AHNAK: variants seen among roughly 807,000 people sequenced by gnomAD.
AHNAK encodes the protein AHNAK nucleoprotein, also known as neuroblast differentiation-associated protein AHNAK.
AHNAK carries 23 observed loss-of-function variants against 37.8 expected under a neutral mutation model. That is an observed-to-expected ratio of 0.61 (90% CI 0.44 to 0.86). The LOEUF (loss-of-function observed/expected upper bound fraction) is 0.86, where lower values mean the gene tolerates loss of function less well. Among genes scored for constraint, AHNAK ranks in the 40% least tolerant of loss-of-function variants. The pLI is 0.00. For synonymous variants in AHNAK, 2,481 were observed against 2,636.3 expected (o/e 0.94, Z 1.80); for missense variants, 7,411 against 7,319.4 (o/e 1.01, Z -0.46).
chr11:62,539,915 G>T (rs982086843), intron 1 of AHNAK, among the ~76,000 whole-genome samples: 3 of 152,212 alleles, frequency 2.0e-5, no homozygotes, highest in Non-Finnish European at 4.4e-5. Context: ...AATACTGAAG[G>T]GAATACTGAA....
intron 5 of AHNAK, among the ~76,000 whole-genome samples, chr11:62,485,774 G>A (rs1261763357): frequency 1.3e-5 from 2 of 150,984 alleles, no homozygotes; most frequent in African/African-American, 4.9e-5. Context: ...TCAGCATTTT[G>A]GGAGGCCAAG....
rs138085652 is a variant in AHNAK, at chr11:62,489,303, G to A, written c.442+2429C>T. Among the ~76,000 whole-genome samples, 908 of 151,850 alleles carry A rather than the reference G, an allele frequency of 6.0e-3. 5 individuals are homozygous for A. The highest frequency in any genetic ancestry group is 0.021 in the African/African-American group (862 of 41,388). On this transcript the variant is annotated intron_variant, in intron 5 of 5. Transcript: ENST00000257247. ...ATCATGGATGTGGGGACCAGCACTA[G>A]GGTGTTGCTGGAGTGAAAAGCCCAC...
At chr11:62,545,689 G>C (rs1941285130) in intron 1 of AHNAK, 1 of 152,818 alleles carries the variant, frequency 6.5e-6, no homozygotes, top group Admixed American at 6.5e-5. Flanking sequence ...GCCAAGCCCG[G>C]CTCCTGCCCC....
chr11:62,539,128 C>T (rs893436122), intron 1 of AHNAK, among the ~76,000 whole-genome samples: 1 of 152,202 alleles, frequency 6.6e-6, no homozygotes, highest in African/African-American at 2.4e-5. Flanking sequence ...AAGGCTGCGA[C>T]AGGAAATCAC....
At chr11:62,438,876 C>T (rs568895801) in intron 5 of AHNAK, among the ~76,000 whole-genome samples, 3 of 152,016 alleles carry the variant, frequency 2.0e-5, no homozygotes, top group African/African-American at 7.2e-5. Flanking sequence ...TAATCATGAC[C>T]GGCTCACATG....
At position 62,518,308 on chromosome 11, in the gene AHNAK, A is replaced by G. The variant is rs1278210482; in HGVS notation, c.16109T>C (p.Leu5370Pro). 2 of 1,614,050 alleles carry G rather than the reference A, an allele frequency of 1.2e-6. No homozygotes were observed. Among genetic ancestry groups the G allele is most frequent in the Admixed American group, 1.7e-5 (1 of 60,000 alleles). The change falls in exon 5 of 5, where the codon CTG (leucine) becomes CCG (proline). Residue 5370 changes from leucine (L) to proline (P), a missense_variant. Leu to Pro is a moderately conservative substitution (Grantham distance 98). Coordinates refer to ENST00000378024, the MANE Select transcript of AHNAK (RefSeq NM_001620.3). ...APDVTLRGPSLQGDLAVSGDI... is the reference protein window; with the variant it reads ...APDVTLRGPSPQGDLAVSGDI... ...ACCAGAGACAGCCAGATCTCCCTGCAGGCTTGGTCCCCTCAGTGTCACATC... is the reference window on the plus strand; with the variant it reads ...ACCAGAGACAGCCAGATCTCCCTGCGGGCTTGGTCCCCTCAGTGTCACATC...
chr11:62,528,527 C>A lies in AHNAK; in HGVS notation c.5890G>T (p.Glu1964Ter). 1 of 1,611,992 alleles carries A rather than the reference C, an allele frequency of 6.2e-7. No individual in the cohort carries two copies. Among genetic ancestry groups the A allele is most frequent in the Non-Finnish European group, 8.5e-7 (1 of 1,179,686 alleles). Reference protein sequence around the residue: ...PSVGVEVPDVELECPDAKLKG... With the variant: ...PSVGVEVPDV Reference sequence around the variant, plus strand: ...AACTTTGCATCAGGACACTCCAGCTCAACATCAGGCACCTCCACACCCACA... The same window carrying A: ...AACTTTGCATCAGGACACTCCAGCTAAACATCAGGCACCTCCACACCCACA... Residue 1964 changes from glutamate (E) to a stop codon, truncating the protein, a stop_gained, in exon 5 of 5, where the codon GAG (glutamate) becomes TAG (stop). Coordinates refer to ENST00000378024, the MANE Select transcript of AHNAK (RefSeq NM_001620.3). LOFTEE classifies it low-confidence loss of function (END_TRUNC).
At position 62,519,933 on chromosome 11, in the gene AHNAK, T is replaced by C; in HGVS notation, c.14484A>G (p.Pro4828=). ...VDIPDVNIEG[P]DAKLKGPKFK... is the part of the protein sequence containing the mutation. ...ACTTGGGGCCCTTCAGTTTTGCGTC[T>C]GGACCTTCGATATTCACATCTGGAA... The change falls in exon 5 of 5, where the codon CCA becomes CCG. Residue 4828 remains proline (P), a synonymous_variant. Transcript: ENST00000378024. 6.2e-7 allele frequency: 1 copy of C among 1,613,998 alleles called. No individual in the cohort carries two copies. Among genetic ancestry groups the C allele is most frequent in the South Asian group, 1.1e-5 (1 of 91,062 alleles).
rs537325411 is a variant in AHNAK at position 62,516,485 on chromosome 11, T to A, written c.*259A>T. 3.2e-4 allele frequency: 425 copies of A among 1,327,144 alleles called. No individual in the cohort carries two copies. Among genetic ancestry groups the A allele is most frequent in the Middle Eastern group, 2.0e-3 (7 of 3,518 alleles). The allele number at this position is 1,327,144 out of a possible 1,614,324, so 82.2% of individuals were successfully genotyped here. On this transcript the variant is annotated 3_prime_UTR_variant, in exon 5 of 5. Transcript: ENST00000378024. ...GCTCTCAGCAGTCAATGCAAAAAAA[T>A]ATATATATATGAAATCTTAAGGCAA...
At chr11:62,535,890 AC>A in intron 3 of AHNAK, 54 bp downstream of exon 3, 6 of 1,547,882 alleles carry the variant, frequency 3.9e-6, no homozygotes, top group African/African-American at 1.4e-5. Flanking sequence ...TCCCTCCAAC[AC>A]CCCCACCGAC....
chr11:62,535,871 C>G, intron 3 of AHNAK, 74 bp downstream of exon 3: 1 of 1,538,258 alleles, frequency 6.5e-7, no homozygotes, highest in Non-Finnish European at 8.7e-7. Context: ...TCTGCCTGCT[C>G]CCTGCCCTTC....
In AHNAK at chr11:62,526,641, C is replaced by A. The variant is rs1360637402; in HGVS notation, c.7776G>T (p.Lys2592Asn). 1.2e-6 allele frequency: 2 copies of A among 1,612,818 alleles called. No homozygotes were observed. Among genetic ancestry groups the A allele is most frequent in the Non-Finnish European group, 1.7e-6 (2 of 1,179,720 alleles). The part of the protein sequence containing the change: ...PDFDLHLKGP[K>N]VKGDVDVSLP... ...GAGAAACATCCACATCGCCCTTCAC[C>A]TTGGGACCTTTCAGATGCAAATCAA... The change falls in exon 5 of 5, where the codon AAG becomes AAT. Residue 2592 changes from lysine (K) to asparagine (N), a missense_variant. Physicochemically the swap from Lys to Asn is moderately conservative, Grantham distance 94. Transcript: ENST00000378024.
chr11:62,539,726 G>A (rs1431602273), intron 1 of AHNAK, among the ~76,000 whole-genome samples: 2 of 152,192 alleles, frequency 1.3e-5, no homozygotes, highest in Non-Finnish European at 2.9e-5. Flanking sequence ...CCGTGAGGAC[G>A]GGAGCCATTG....
At chr11:62,513,520 A>T (rs1233630224), downstream of AHNAK, among the ~76,000 whole-genome samples, 3 of 151,664 alleles carry the variant, frequency 2.0e-5, no homozygotes, top group African/African-American at 7.3e-5. Context: ...GGGCAACAAG[A>T]GCGAGACTCT....
At position 62,475,602 on chromosome 11, in the gene AHNAK, C is replaced by CTTTTTTT. The variant is rs55773953; in HGVS notation, c.442+16123_442+16129dup. 2.4e-4 allele frequency among the ~76,000 whole-genome samples: 28 copies of CTTTTTTT among 118,022 alleles called. 1 individual carries two copies. The highest frequency in any genetic ancestry group is 6.1e-4 in the East Asian group (2 of 3,266). 77.4% of individuals were successfully genotyped at this position (118,022 alleles called of 152,430 possible). A position where few individuals can be genotyped will look rare whatever the true frequency, so the allele number is the denominator to read the frequency against. On this transcript the variant is annotated intron_variant, in intron 5 of 5. Transcript: ENST00000257247. ...CTTAAATAAATGTGGTTATGTTATA[C>CTTTTTTT]TTTTTTTTTTTTTTTTTTTTTAGAC... is the stretch of plus-strand genomic sequence containing the variant.
chr11:62,516,624 G>A lies in AHNAK; in HGVS notation c.*120C>T. The A allele has an allele frequency of 6.7e-7, 1 of 1,493,446 alleles. No individual in the cohort carries two copies. Among genetic ancestry groups the A allele is most frequent in the South Asian group, 1.5e-5 (1 of 68,902 alleles). 92.5% of individuals were successfully genotyped at this position (1,493,446 alleles called of 1,614,324 possible). A position where few individuals can be genotyped will look rare whatever the true frequency, so the allele number is the denominator to read the frequency against. On this transcript the variant is annotated 3_prime_UTR_variant, in exon 5 of 5. Transcript: ENST00000378024. ...CAGCGCTTGCCACCGGGCCAGGCAA[G>A]GTCTTTGCATGATTGCTGAGGCAGT...
rs1411652043 is a variant in AHNAK at position 62,535,990 on chromosome 11, C to T, written c.109G>A (p.Val37Met). The T allele has an allele frequency of 6.2e-7, 1 of 1,613,040 alleles. No homozygotes were observed. Among genetic ancestry groups the T allele is most frequent in the Non-Finnish European group, 8.5e-7 (1 of 1,179,598 alleles). Residue 37 changes from valine (V) to methionine (M), a missense_variant, in exon 3 of 5, where the codon GTG (valine) becomes ATG (methionine). Coordinates refer to ENST00000378024, the MANE Select transcript of AHNAK (RefSeq NM_001620.3). ...QRDDGVFVQE[V>M]TQNSPAARTG... ...CGGGCCGCAGGGGAGTTCTGCGTCA[C>T]CTCCTGCACAAAGACGCCGTCGTCC...
chr11:62,445,799 C>T (rs1938413187), intron 5 of AHNAK, among the ~76,000 whole-genome samples: 1 of 151,924 alleles, frequency 6.6e-6, no homozygotes, highest in Admixed American at 6.6e-5. Context: ...GCCAAATCAC[C>T]TGAGGTTAGG....
chr11:62,484,951 G>A (rs987648575), intron 5 of AHNAK, among the ~76,000 whole-genome samples: 2 of 152,038 alleles, frequency 1.3e-5, no homozygotes, highest in African/African-American at 4.8e-5. Flanking sequence ...CACCACACCC[G>A]GCTAATTTTG....
Sources: allele counts gnomAD v4.1 joint callset (sites outside exome capture counted in the v4.1 genomes callset), GRCh38; gene constraint gnomAD v4.1.1; transcripts MANE v1.5; gene names NCBI Gene and HGNC (gene_info 2026-07-23, HGNC 2026-07-21).